CAMSAP2: variants seen among roughly 807,000 people sequenced by gnomAD.
CAMSAP2 encodes calmodulin-regulated spectrin-associated protein 2.
Under a neutral mutation model 146.1 loss-of-function variants are expected in CAMSAP2, and 26 were observed. That is an observed-to-expected ratio of 0.18 (90% confidence interval 0.13 to 0.25). CAMSAP2 has a LOEUF of 0.25. Among genes scored for constraint, CAMSAP2 ranks in the 10% least tolerant of loss-of-function variants. CAMSAP2 has a pLI of 1.00. For missense variants in CAMSAP2, 1,381 were observed against 1,759.3 expected (o/e 0.78, Z 3.85); for synonymous variants, 499 against 596.6 (o/e 0.84, Z 2.38).
At chr1:200,822,797 G>T (rs554530241) in intron 4 of CAMSAP2, among the ~76,000 whole-genome samples, 44 of 152,188 alleles carry the variant, frequency 2.9e-4, no homozygotes, top group Non-Finnish European at 4.7e-4. Context: ...CTGGACAGAG[G>T]TATGATTCCC....
In CAMSAP2 at chr1:200,856,031, C is replaced by T. The variant is rs1667742282; in HGVS notation, c.3918C>T (p.Phe1306=). Residue 1306 remains phenylalanine, a synonymous_variant, in exon 15 of 17, where the codon TTC becomes TTT. Transcript: ENST00000358823. ...RTPRSESVEG[F]LSPSRCGSRN... is the part of the protein sequence containing the mutation. ...TTAGATCAGAGTCTGTAGAAGGCTT[C>T]TTATCTCCAAGTCGTTGTGGCAGTC... The T allele has an allele frequency of 6.2e-7, 1 of 1,613,276 alleles. No homozygotes were observed. Among genetic ancestry groups the T allele is most frequent in the Non-Finnish European group, 8.5e-7 (1 of 1,179,418 alleles).
In CAMSAP2 at chr1:200,816,772, ACG is replaced by A. The variant is rs199996252; in HGVS notation, c.645+1131_645+1132del. 7.2e-3 allele frequency among the ~76,000 whole-genome samples: 678 copies of A among 94,718 alleles called. 192 individuals carry two copies. The highest frequency in any genetic ancestry group is 0.01 in the Non-Finnish European group (424 of 42,128). 62.1% of individuals were successfully genotyped at this position (94,718 alleles called of 152,430 possible). Reference sequence around the variant, plus strand: ...CGTGTATATATGTGTGTACACACACACGCGTGTATATATGTGTGTACACACAC... The same window carrying A: ...CGTGTATATATGTGTGTACACACACACGTGTATATATGTGTGTACACACAC... On this transcript the variant is annotated intron_variant, in intron 4 of 16. Transcript: ENST00000358823.
intron 1 of CAMSAP2, among the ~76,000 whole-genome samples, chr1:200,748,558 A>T (rs12747799): frequency 0.13 from 20,396 of 151,272 alleles, 1,414 homozygotes; most frequent in East Asian, 0.17. Flanking sequence ...TGACCAGAAG[A>T]TTTTTTTTCT....
chr1:200,778,242 T>C (rs1665335729), intron 2 of CAMSAP2, among the ~76,000 whole-genome samples: 1 of 152,196 alleles, frequency 6.6e-6, no homozygotes, highest in Admixed American at 6.5e-5. Flanking sequence ...AATTAAGAAT[T>C]AAATATATTT....
rs540480118 is a variant in CAMSAP2 at position 200,859,328 on chromosome 1, G to T, written c.*1269G>T. ...CAGTATTGTATCATAAATGAGATGCGTAGTTTGTTTTCTTTCATGGGAAGT... is the reference window on the plus strand; with the variant it reads ...CAGTATTGTATCATAAATGAGATGCTTAGTTTGTTTTCTTTCATGGGAAGT... On this transcript the variant is annotated 3_prime_UTR_variant, in exon 17 of 17. Transcript: ENST00000358823. 1 of 152,484 alleles carries T rather than the reference G, an allele frequency of 6.6e-6. No homozygotes were observed. The highest frequency in any genetic ancestry group is 2.1e-4 in the South Asian group (1 of 4,824). The allele number at this position is 152,484 out of a possible 1,614,324, so 9.4% of individuals were successfully genotyped here.
chr1:200,818,244 C>T (rs964464940), intron 4 of CAMSAP2, among the ~76,000 whole-genome samples: 3 of 151,984 alleles, frequency 2.0e-5, no homozygotes, highest in Non-Finnish European at 4.4e-5. Flanking sequence ...GCCCAAGAAA[C>T]ATTTTTTTAA....
intron 1 of CAMSAP2, among the ~76,000 whole-genome samples, chr1:200,742,635 C>CA (rs1161489391): frequency 2.0e-5 from 3 of 151,946 alleles, no homozygotes; most frequent in South Asian, 4.1e-4. Flanking sequence ...TTTAGTTGTT[C>CA]AAAAAATCAG....
At chr1:200,829,159 C>A (rs1271119429) in intron 4 of CAMSAP2, among the ~76,000 whole-genome samples, 2 of 151,998 alleles carry the variant, frequency 1.3e-5, no homozygotes, top group African/African-American at 4.8e-5. Flanking sequence ...GTCTCAAAAA[C>A]AAAAACAAAA....
intron 2 of CAMSAP2, among the ~76,000 whole-genome samples, chr1:200,769,368 A>C (rs562646364): frequency 6.6e-6 from 1 of 152,334 alleles, no homozygotes; most frequent in Non-Finnish European, 1.5e-5. Context: ...TCTTAGAAAA[A>C]GAGTTGAAAA....
intron 2 of CAMSAP2, 51 bp from the exon 3 acceptor site, chr1:200,807,325 C>T (rs1413413889): frequency 1.5e-6 from 2 of 1,351,794 alleles, no homozygotes; most frequent in South Asian, 2.0e-5. Flanking sequence ...ATGTAAAAAG[C>T]AATTTCTAAA....
At chr1:200,760,755 T>A in intron 1 of CAMSAP2, 84 bp from the exon 2 acceptor site, 2 of 996,854 alleles carry the variant, frequency 2.0e-6, no homozygotes, top group East Asian at 5.4e-5. Context: ...TTAAATTCTA[T>A]GACATAAATA....
chr1:200,765,071 T>A (rs1664907637), intron 2 of CAMSAP2, among the ~76,000 whole-genome samples: 1 of 151,982 alleles, frequency 6.6e-6, no homozygotes, highest in Non-Finnish European at 1.5e-5. Flanking sequence ...ACCATTGCAC[T>A]CTGGTCTGGG....
intron 3 of CAMSAP2, among the ~76,000 whole-genome samples, chr1:200,813,344 A>G (rs1440676789): frequency 1.3e-5 from 2 of 152,364 alleles, no homozygotes; most frequent in Admixed American, 1.3e-4. Context: ...AGTTTCAAAT[A>G]TGAACTCTGG....
intron 2 of CAMSAP2, among the ~76,000 whole-genome samples, chr1:200,775,947 C>T (rs1365759829): frequency 1.3e-5 from 2 of 151,718 alleles, no homozygotes; most frequent in Admixed American, 6.6e-5. Flanking sequence ...TATAAAATCA[C>T]TGTTTCATCA....
At position 200,807,366 on chromosome 1, in the gene CAMSAP2, A is replaced by G. The variant is rs745548085; in HGVS notation, c.400-10A>G. ...TTTTTAAACTATTTGTTCTTGTTTTATATTTTCAGAGTGCACATTTGGCCA... is the reference window on the plus strand; with the variant it reads ...TTTTTAAACTATTTGTTCTTGTTTTGTATTTTCAGAGTGCACATTTGGCCA... On this transcript the variant is annotated splice_polypyrimidine_tract_variant and intron_variant, in intron 2 of 16. Coordinates refer to ENST00000358823, the MANE Select transcript of CAMSAP2 (RefSeq NM_203459.4). The G allele has an allele frequency of 2.7e-6, 4 of 1,481,482 alleles. No homozygotes were observed. The highest frequency in any genetic ancestry group is 1.8e-4 in the Middle Eastern group (1 of 5,550). 91.8% of individuals were successfully genotyped at this position (1,481,482 alleles called of 1,614,324 possible).
At chr1:200,759,086 A>G (rs1345271881) in intron 1 of CAMSAP2, among the ~76,000 whole-genome samples, 1 of 152,112 alleles carries the variant, frequency 6.6e-6, no homozygotes, top group Non-Finnish European at 1.5e-5. Flanking sequence ...ATTTCTTTCA[A>G]GTCCTCATCA....
chr1:200,766,051 C>T (rs1280341150), intron 2 of CAMSAP2, among the ~76,000 whole-genome samples: 4 of 152,092 alleles, frequency 2.6e-5, no homozygotes, highest in South Asian at 4.2e-4. Flanking sequence ...CAAACTGAAC[C>T]GCTATACTGT....
chr1:200,851,204 T>C (rs936801281), intron 11 of CAMSAP2, among the ~76,000 whole-genome samples: 2 of 152,176 alleles, frequency 1.3e-5, no homozygotes, highest in Non-Finnish European at 2.9e-5. Context: ...TATTTATTTA[T>C]TTATTTATTT....
intron 2 of CAMSAP2, among the ~76,000 whole-genome samples, chr1:200,780,745 C>G (rs1665407141): frequency 6.6e-6 from 1 of 152,228 alleles, no homozygotes; most frequent in Non-Finnish European, 1.5e-5. Flanking sequence ...GTTTGAGTAT[C>G]TGCCATAGAT....
Sources: allele counts gnomAD v4.1 joint callset (sites outside exome capture counted in the v4.1 genomes callset), GRCh38; gene constraint gnomAD v4.1.1; transcripts MANE v1.5; gene names NCBI Gene and HGNC (gene_info 2026-07-23, HGNC 2026-07-21).